Variants in POLR3A observed in about 807,000 individuals in gnomAD.
POLR3A encodes the protein RNA polymerase III subunit A.
In POLR3A, 112 loss-of-function variants were observed where a neutral mutation model predicts 152.8. The ratio of observed to expected loss-of-function variants is 0.73; its 90% CI spans 0.63 to 0.86. The LOEUF is 0.86. Among genes scored for constraint, POLR3A ranks in the 40% least tolerant of loss-of-function variants. POLR3A has a pLI of 0.00. For synonymous variants in POLR3A, 615 were observed against 652.1 expected, an observed-to-expected ratio of 0.94 and a Z score of 0.87; for missense variants, 1,385 against 1,743.1, an observed-to-expected ratio of 0.79 and a Z score of 3.66.
intron 19 of POLR3A, among the ~76,000 whole-genome samples, chr10:77,994,978 C>A (rs1847285769): frequency 1.3e-5 from 2 of 152,214 alleles, no homozygotes; most frequent in African/African-American, 4.8e-5. Context: ...AGAAACTCTA[C>A]AAGCCAGAAG....
intron 15 of POLR3A, among the ~76,000 whole-genome samples, chr10:78,006,788 A>G (rs1253566188): frequency 6.6e-6 from 1 of 152,242 alleles, no homozygotes; most frequent in African/African-American, 2.4e-5. Flanking sequence ...TTTCACAGTG[A>G]GAACAGAGAG....
In POLR3A at chr10:78,021,757, T is replaced by A. The variant is rs138906945; in HGVS notation, c.1049-75A>T. 33 of 1,609,970 alleles carry A rather than the reference T, an allele frequency of 2.0e-5. No homozygotes were observed. In the East Asian group the frequency reaches 7.1e-4, roughly 35 times the overall value. On this transcript the variant is annotated intron_variant, in intron 7 of 30. Coordinates refer to ENST00000372371, the MANE Select transcript of POLR3A (RefSeq NM_007055.4). ...ATGGGAACAATAAGAACGGAGAGAC[T>A]GAGGAAAGCCTGTGACCTCCAATCA...
chr10:78,022,100 GGATA>G, intron 6 of POLR3A, 41 bp downstream of exon 6: 1 of 1,614,026 alleles, frequency 6.2e-7, no homozygotes, highest in Non-Finnish European at 8.5e-7. Flanking sequence ...AGAAGTTTTT[GGATA>G]GATATACTAT....
chr10:78,000,307 T>C (rs1847344891), intron 18 of POLR3A, among the ~76,000 whole-genome samples, 189 bp from the exon 19 acceptor site: 3 of 152,126 alleles, frequency 2.0e-5, no homozygotes, highest in Admixed American at 6.6e-5. Context: ...ACAAGGAGAA[T>C]GAGGGCCCAG....
At chr10:77,982,588 C>T in intron 27 of POLR3A, 65 bp downstream of exon 27, 2 of 1,469,720 alleles carry the variant, frequency 1.4e-6, no homozygotes, top group South Asian at 1.1e-5. Flanking sequence ...GCCCTTAGGT[C>T]CCAGCCCTGG....
intron 10 of POLR3A, among the ~76,000 whole-genome samples, chr10:78,015,094 G>A (rs1429564734): frequency 6.6e-6 from 1 of 152,204 alleles, no homozygotes; most frequent in East Asian, 1.9e-4. Flanking sequence ...ACCTGGGAAT[G>A]CCAAGAGATG....
intron 6 of POLR3A, 32 bp downstream of exon 6, chr10:78,022,113 A>G (rs1434941859): frequency 1.2e-6 from 2 of 1,614,162 alleles, no homozygotes; most frequent in South Asian, 1.1e-5. Flanking sequence ...TAGATATACT[A>G]TGAAACTTAC....
chr10:78,017,509 G>GT, intron 10 of POLR3A, 66 bp downstream of exon 10: 1 of 1,504,920 alleles, frequency 6.6e-7, no homozygotes, highest in Non-Finnish European at 9.2e-7. Flanking sequence ...GAAGTCCACT[G>GT]TTTAGCACTG....
At chr10:78,013,269 G>T in intron 11 of POLR3A, 1 of 284,858 alleles carries the variant, frequency 3.5e-6, no homozygotes, top group Non-Finnish European at 6.8e-6. Context: ...TCAGCTACTG[G>T]AAAATTTACT....
At chr10:77,994,663 A>G (rs1847281886) in intron 19 of POLR3A, among the ~76,000 whole-genome samples, 1 of 152,226 alleles carries the variant, frequency 6.6e-6, no homozygotes, top group African/African-American at 2.4e-5. Flanking sequence ...GGACTATGTG[A>G]AAAGACCAAA....
intron 9 of POLR3A, among the ~76,000 whole-genome samples, chr10:78,018,308 G>T (rs1404978445): frequency 6.6e-6 from 1 of 151,908 alleles, no homozygotes; most frequent in African/African-American, 2.4e-5. Context: ...AAACCAGCCT[G>T]GTCAACATGG....
At chr10:77,991,365 T>C (rs571307691) in intron 20 of POLR3A, among the ~76,000 whole-genome samples, 198 bp from the exon 21 acceptor site, 1 of 152,200 alleles carries the variant, frequency 6.6e-6, no homozygotes, top group African/African-American at 2.4e-5. Context: ...CTCCATCCTA[T>C]GCAAAAATTT....
At chr10:77,982,926 C>A in intron 26 of POLR3A, 109 bp from the exon 27 acceptor site, 3 of 851,704 alleles carry the variant, frequency 3.5e-6, no homozygotes, top group Non-Finnish European at 4.0e-6. Context: ...TAAGCACCCC[C>A]CACCCGCACC....
chr10:78,002,210 C>G lies in POLR3A; in HGVS notation c.2346G>C (p.Leu782=), dbSNP rs1847363915. ...GGGCATGCAGACCTTTGGAGCCGCACAGAGCCATGGTGAGGGGGCTGTTGC... is the reference window on the plus strand; with the variant it reads ...GGGCATGCAGACCTTTGGAGCCGCAGAGAGCCATGGTGAGGGGGCTGTTGC... ...DKSNSPLTMA[L]CGSKGSFINI... is the part of the protein sequence containing the mutation. The change falls in exon 17 of 31, where the codon CTG becomes CTC. Residue 782 remains leucine (L), a synonymous_variant. Transcript: ENST00000372371. 4 of 1,588,358 alleles carry G rather than the reference C, an allele frequency of 2.5e-6. No individual in the cohort carries two copies. The South Asian group carries it at 4.6e-5, about 18-fold the overall frequency.
At position 78,027,860 on chromosome 10, in the gene POLR3A, G is replaced by C. The variant is rs192176573; in HGVS notation, c.44+1504C>G. Among the ~76,000 whole-genome samples the C allele has an allele frequency of 1.7e-3, 253 of 152,282 alleles. 1 individual carries two copies. The highest frequency in any genetic ancestry group is 5.7e-3 in the African/African-American group (236 of 41,576). On this transcript the variant is annotated intron_variant, in intron 1 of 30. Transcript: ENST00000372371. ...ACGTGAGCCACCACTCCTGGCCTCT[G>C]CTAGAGGATTTTAATTGACAATACC...
At chr10:77,977,733 C>T (rs1023916325) in intron 30 of POLR3A, 107 bp from the exon 31 acceptor site, 11 of 900,796 alleles carry the variant, frequency 1.2e-5, no homozygotes, top group Middle Eastern at 2.1e-4. Flanking sequence ...TGAGTCCCAG[C>T]GCCACTCCAC....
At chr10:78,026,336 T>C in intron 1 of POLR3A, 107 bp from the exon 2 acceptor site, 1 of 1,080,736 alleles carries the variant, frequency 9.3e-7, no homozygotes, top group Non-Finnish European at 1.4e-6. Context: ...CTGTCTCCAC[T>C]GGCTTTTCCT....
At chr10:77,981,682 G>T in intron 28 of POLR3A, 123 bp from the exon 29 acceptor site, 3 of 1,241,640 alleles carry the variant, frequency 2.4e-6, no homozygotes, top group South Asian at 2.4e-5. Flanking sequence ...GAAATGGATT[G>T]CTGGGCAATT....
rs1485220231 is a variant in POLR3A, at chr10:78,024,574, A to G, written c.620T>C (p.Val207Ala). 1 of 1,613,840 alleles carries G rather than the reference A, an allele frequency of 6.2e-7. No homozygotes were observed. Among genetic ancestry groups the G allele is most frequent in the Non-Finnish European group, 8.5e-7 (1 of 1,180,000 alleles). Residue 207 changes from valine to alanine, a missense_variant, in exon 5 of 31, where the codon GTG (valine) becomes GCG (alanine). By Grantham distance (64) the Val-to-Ala change is moderately conservative. Around this residue, in one of 7 missense-constraint regions of POLR3A, gnomAD observed 493 missense variants for 647.5 expected, o/e 0.76. Coordinates refer to ENST00000372371, the MANE Select transcript of POLR3A (RefSeq NM_007055.4). The stretch of plus-strand genomic sequence containing the variant: ...CTGTGCCCTTCCCAGCAGAGGCTCC[A>G]CTTCTTTATTATGTTCAATGGCTGT... ...FETAIEHNKE[V>A]EPLLGRAQEN...
Sources: allele counts gnomAD v4.1 joint callset (sites outside exome capture counted in the v4.1 genomes callset), GRCh38; gene constraint gnomAD v4.1.1; regional missense constraint gnomAD v4.1.1; transcripts MANE v1.5; gene names NCBI Gene and HGNC (gene_info 2026-07-23, HGNC 2026-07-21).